LCN6: variants seen among roughly 807,000 people sequenced by gnomAD.
The protein encoded by LCN6 is lipocalin 6.
Under a neutral mutation model 21.4 loss-of-function variants are expected in LCN6, and 20 were observed. That is an observed-to-expected ratio of 0.93 (90% confidence interval 0.66 to 1.36). The LOEUF is 1.36. Among genes scored for constraint, LCN6 ranks in the 40% most tolerant of loss-of-function variants. LCN6 has a pLI of 0.00. For synonymous variants in LCN6, 96 were observed against 89.0 expected, an observed-to-expected ratio of 1.08 and a Z score of -0.44; for missense variants, 217 against 206.6, an observed-to-expected ratio of 1.05 and a Z score of -0.31.
At chr9:136,747,343 G>A (rs555130526) in intron 2 of LCN6, 81 bp downstream of exon 2, 9 of 1,524,714 alleles carry the variant, frequency 5.9e-6, no homozygotes, top group South Asian at 2.4e-5. Context: ...CGCGGTGCCC[G>A]GGAGCAGATG....
intron 2 of LCN6, 140 bp from the exon 3 acceptor site, chr9:136,746,054 G>A (rs182468401): frequency 6.5e-5 from 47 of 722,200 alleles, no homozygotes; most frequent in Admixed American, 3.0e-4. Flanking sequence ...CCCGATGCCC[G>A]GAAACCTGTT....
At chr9:136,746,261 G>A (rs1282481016) in intron 2 of LCN6, among the ~76,000 whole-genome samples, 3 of 114,222 alleles carry the variant, frequency 2.6e-5, no homozygotes, top group African/African-American at 9.8e-5. Context: ...TGACTCAGGG[G>A]AAGGATGGGG....
intron 2 of LCN6, among the ~76,000 whole-genome samples, chr9:136,746,449 G>T (rs1218196687): frequency 6.6e-6 from 1 of 152,158 alleles, no homozygotes; most frequent in Non-Finnish European, 1.5e-5. Context: ...TAAGTGGTCA[G>T]TCCCCAGAGT....
chr9:136,744,455 A>C lies in LCN6; in HGVS notation c.*23-91T>G. 1 of 510,782 alleles carries C rather than the reference A, an allele frequency of 2.0e-6. No homozygotes were observed. The highest frequency in any genetic ancestry group is 3.6e-6 in the Non-Finnish European group (1 of 281,070). 31.6% of individuals were successfully genotyped at this position (510,782 alleles called of 1,614,324 possible). On this transcript the variant is annotated intron_variant, in intron 5 of 6. Transcript: ENST00000341206. The surrounding 1 kb of genome is among the most constrained non-coding windows in gnomAD (Gnocchi z 4.2). The stretch of plus-strand genomic sequence containing the variant: ...CACAAGACTCGCCTGCCGTGGGGAC[A>C]AGACCCCCAGGCCTGACTTTGGGCA...
Position 136,747,756 on chromosome 9 carries a change from C to G in LCN6, c.91-193G>C, listed in dbSNP as rs1378097748. Among the ~76,000 whole-genome samples the G allele has an allele frequency of 4.2e-4, 58 of 138,942 alleles. 1 individual carries two copies. The highest frequency in any genetic ancestry group is 1.5e-3 in the African/African-American group (55 of 36,614). 91.2% of individuals were successfully genotyped at this position (138,942 alleles called of 152,430 possible). ...CCAGCCCTGCAGCCTCCAGCCTCCACCCTCCAACCATCCAGCCCTCCAGCC... is the reference window on the plus strand; with the variant it reads ...CCAGCCCTGCAGCCTCCAGCCTCCAGCCTCCAACCATCCAGCCCTCCAGCC... On this transcript the variant is annotated intron_variant, in intron 1 of 6. Coordinates refer to ENST00000341206, the MANE Select transcript of LCN6 (RefSeq NM_198946.3).
intron 3 of LCN6, 49 bp downstream of exon 3, chr9:136,745,795 A>C: frequency 2.7e-6 from 4 of 1,506,172 alleles, no homozygotes; most frequent in Non-Finnish European, 3.7e-6. Flanking sequence ...GGGCCTGGGG[A>C]TGCTGCAGGG....
Position 136,748,442 on chromosome 9 carries a change from C to G in LCN6, c.42G>C (p.Ser14=). The G allele has an allele frequency of 1.2e-6, 2 of 1,613,236 alleles. No homozygotes were observed. Among genetic ancestry groups the G allele is most frequent in the Non-Finnish European group, 1.7e-6 (2 of 1,179,944 alleles). ...ACCACACGGCCTGGGCCCTGGGCAC[C>G]GAGACCAAAGCCAGAAAAGCAGCCA... is the stretch of plus-strand genomic sequence containing the variant. The part of the protein sequence containing the change: ...LLLAAFLALV[S]VPRAQAVWLG... Residue 14 remains serine, a synonymous_variant, in exon 1 of 7, where the codon TCG becomes TCC. Transcript: ENST00000341206.
In LCN6 at chr9:136,744,804, G is replaced by T; in HGVS notation, c.413-63C>A. 2 of 1,176,212 alleles carry T rather than the reference G, an allele frequency of 1.7e-6. No homozygotes were observed. The highest frequency in any genetic ancestry group is 2.6e-5 in the South Asian group (2 of 77,818). The allele number at this position is 1,176,212 out of a possible 1,614,324, so 72.9% of individuals were successfully genotyped here. A position where few individuals can be genotyped will look rare whatever the true frequency, so the allele number is the denominator to read the frequency against. On this transcript the variant is annotated intron_variant, in intron 4 of 6. Transcript: ENST00000341206. This position sits in a 1 kb window ranked among gnomAD's most constrained non-coding sequence, Gnocchi z 4.2. ...TGAGAGCTGGGGAGGGGCCGGGGAG[G>T]GGCTGGGAAGGGTCAGGAAGGAGGC...
Position 136,744,511 on chromosome 9 carries a change from G to C in LCN6, c.*22+129C>G, listed in dbSNP as rs1385375843. The C allele has an allele frequency of 8.4e-6, 5 of 598,312 alleles. No individual in the cohort carries two copies. The highest frequency in any genetic ancestry group is 1.5e-5 in the Non-Finnish European group (5 of 335,096). The allele number at this position is 598,312 out of a possible 1,614,324, so 37.1% of individuals were successfully genotyped here. A position where few individuals can be genotyped will look rare whatever the true frequency, so the allele number is the denominator to read the frequency against. On this transcript the variant is annotated intron_variant, in intron 5 of 6. Coordinates refer to ENST00000341206, the MANE Select transcript of LCN6 (RefSeq NM_198946.3). The surrounding 1 kb of genome is among the most constrained non-coding windows in gnomAD (Gnocchi z 4.2). Reference sequence around the variant, plus strand: ...AGGTGAAGACCCCCTCAGCCTGCCTGACTCCTTCAGGGCGACTGAGTCAGG... The same window carrying C: ...AGGTGAAGACCCCCTCAGCCTGCCTCACTCCTTCAGGGCGACTGAGTCAGG...
In LCN6 at chr9:136,747,497, T is replaced by A. The variant is rs780721064; in HGVS notation, c.157A>T (p.Met53Leu). ...ACCACCACCCCCACGACGTTCTTCA[T>A]GTCCTTCTCCATGGCAAAGCCCTTT... is the stretch of plus-strand genomic sequence containing the variant. ...REKGFAMEKD[M>L]KNVVGVVVTL... is the part of the protein sequence containing the mutation. The change falls in exon 2 of 7, where the codon ATG becomes TTG. Residue 53 changes from methionine to leucine, a missense_variant. Physicochemically the swap from Met to Leu is conservative, Grantham distance 15. Transcript: ENST00000341206. The A allele has an allele frequency of 2.5e-6, 4 of 1,613,708 alleles. No homozygotes were observed. Among genetic ancestry groups the A allele is most frequent in the Non-Finnish European group, 3.4e-6 (4 of 1,179,886 alleles).
chr9:136,745,510 A>C, intron 3 of LCN6: 1 of 562,800 alleles, frequency 1.8e-6, no homozygotes, highest in Non-Finnish European at 3.2e-6. Context: ...ACAGACAAGC[A>C]CTGCCCCAGC....
Position 136,747,469 on chromosome 9 carries a change from G to T in LCN6, c.185C>A (p.Thr62Asn), listed in dbSNP as rs2131078584. The T allele has an allele frequency of 6.2e-7, 1 of 1,613,666 alleles. No individual in the cohort carries two copies. The highest frequency in any genetic ancestry group is 8.5e-7 in the Non-Finnish European group (1 of 1,179,868). Residue 62 changes from threonine to asparagine, a missense_variant, in exon 2 of 7, where the codon ACC (threonine) becomes AAC (asparagine). Transcript: ENST00000341206. ...CCGCAGGTTGTTTTCTGGAGTGAGG[G>T]TCACCACCACCCCCACGACGTTCTT... ...DMKNVVGVVV[T>N]LTPENNLRTL...
At chr9:136,745,783 G>T (rs1379394100) in intron 3 of LCN6, 61 bp downstream of exon 3, 2 of 1,466,448 alleles carry the variant, frequency 1.4e-6, no homozygotes, top group African/African-American at 2.8e-5. Context: ...CCTGCCCGCA[G>T]GGGGCCTGGG....
chr9:136,744,690 C>G lies in LCN6; in HGVS notation c.464G>C (p.Ser155Thr). 1 of 1,610,724 alleles carries G rather than the reference C, an allele frequency of 6.2e-7. No individual in the cohort carries two copies. ...QEAMGLFTKWSRSLGFLSQ is the reference protein window; with the variant it reads ...QEAMGLFTKWTRSLGFLSQ ...CTGTGACAGGAAGCCCAGGCTCCTGCTCCACTTGGTGAAGAGCCCCATGGC... is the reference window on the plus strand; with the variant it reads ...CTGTGACAGGAAGCCCAGGCTCCTGGTCCACTTGGTGAAGAGCCCCATGGC... The change falls in exon 5 of 7, where the codon AGC becomes ACC. Residue 155 changes from serine to threonine, a missense_variant. Ser to Thr is a moderately conservative substitution (Grantham distance 58). Coordinates refer to ENST00000341206, the MANE Select transcript of LCN6 (RefSeq NM_198946.3). The surrounding 1 kb of genome is among the most constrained non-coding windows in gnomAD (Gnocchi z 4.2).
chr9:136,745,406 C>T, intron 3 of LCN6, 126 bp from the exon 4 acceptor site: 1 of 681,056 alleles, frequency 1.5e-6, no homozygotes, highest in South Asian at 1.7e-5. Context: ...CCCAGGAGAC[C>T]CCTCCAAGCA....
intron 2 of LCN6, among the ~76,000 whole-genome samples, chr9:136,746,629 G>A (rs1236903737): frequency 1.3e-5 from 2 of 151,852 alleles, no homozygotes; most frequent in Admixed American, 1.3e-4. Flanking sequence ...CCCGGGGGGT[G>A]CAGTGGGGCC....
chr9:136,745,311 G>T, intron 3 of LCN6, 31 bp from the exon 4 acceptor site: 2 of 1,497,394 alleles, frequency 1.3e-6, no homozygotes, highest in Non-Finnish European at 1.9e-6. Flanking sequence ...CCTCAGGGGA[G>T]GGCAGCTGCT....
In LCN6 at chr9:136,745,281, C is replaced by T; in HGVS notation, c.302-1G>A. On this transcript the variant is annotated splice_acceptor_variant, in intron 3 of 6. Transcript: ENST00000341206. LOFTEE classifies it high-confidence loss of function. ...ACCCAGAGCTCCAGCACGCCTATTG[C>T]TAGGAAACAAAACCCCCCGCCTCAG... The T allele has an allele frequency of 6.2e-7, 1 of 1,609,634 alleles. No individual in the cohort carries two copies. Among genetic ancestry groups the T allele is most frequent in the East Asian group, 2.2e-5 (1 of 44,854 alleles).
chr9:136,745,815 C>T lies in LCN6; in HGVS notation c.301+29G>A, dbSNP rs774822010. The T allele has an allele frequency of 4.4e-6, 7 of 1,606,406 alleles. No individual in the cohort carries two copies. The East Asian group carries it at 8.9e-5, about 20-fold the overall frequency. On this transcript the variant is annotated intron_variant, in intron 3 of 6. Transcript: ENST00000341206. ...TGGGGATGCTGCAGGGAAGAACGGCCTGGGTGAGGCCGTGGCCGTCAGACT... is the reference window on the plus strand; with the variant it reads ...TGGGGATGCTGCAGGGAAGAACGGCTTGGGTGAGGCCGTGGCCGTCAGACT...
Sources: allele counts gnomAD v4.1 joint callset (sites outside exome capture counted in the v4.1 genomes callset), GRCh38; gene constraint gnomAD v4.1.1; non-coding constraint Gnocchi (gnomAD v3.1); transcripts MANE v1.5; gene names NCBI Gene and HGNC (gene_info 2026-07-23, HGNC 2026-07-21).